The following EPB41L1 variants were observed in gnomAD, a reference collection of about 807,000 sequenced individuals.
EPB41L1 encodes the protein erythrocyte membrane protein band 4.1 like 1.
Under a neutral mutation model 97.8 loss-of-function variants are expected in EPB41L1, and 29 were observed. The ratio of observed to expected loss-of-function variants is 0.30; its 90% CI spans 0.22 to 0.40. The LOEUF (loss-of-function observed/expected upper bound fraction) is 0.40. Among genes scored for constraint, EPB41L1 ranks in the 10% least tolerant of loss-of-function variants. The probability of loss-of-function intolerance (pLI) is 1.00; values close to 1 mark genes in which losing one functional copy is unlikely to be tolerated. For synonymous variants in EPB41L1, 383 were observed against 459.2 expected (o/e 0.83, Z 2.12); for missense variants, 812 against 1,162.3 (o/e 0.70, Z 4.38).
intron 1 of EPB41L1, among the ~76,000 whole-genome samples, chr20:36,111,074 C>T (rs939130747): frequency 6.6e-6 from 1 of 152,152 alleles, no homozygotes; most frequent in Non-Finnish European, 1.5e-5. Flanking sequence ...AGGCACCTTG[C>T]TGAGCTGTTC....
At chr20:36,154,531 T>A (rs577451138), upstream of EPB41L1, among the ~76,000 whole-genome samples, 2 of 147,598 alleles carry the variant, frequency 1.4e-5, no homozygotes, top group South Asian at 4.3e-4. This position sits in a 1 kb window ranked among gnomAD's most constrained non-coding sequence, Gnocchi z 5.5. Context: ...AGGTGGGTGG[T>A]AGAGGAGACA....
chr20:36,173,733 C>T, intron 1 of EPB41L1, 31 bp from the exon 2 acceptor site: 1 of 1,607,130 alleles, frequency 6.2e-7, no homozygotes. Flanking sequence ...CTGTCCCTCC[C>T]TGTCACATGA....
chr20:36,130,975 ATT>A (rs778904971), intron 2 of EPB41L1, among the ~76,000 whole-genome samples: 14 of 124,296 alleles, frequency 1.1e-4, no homozygotes, highest in Admixed American at 8.0e-5. Flanking sequence ...CACCCGGCTA[ATT>A]TTTTTTTTTT....
intron 2 of EPB41L1, among the ~76,000 whole-genome samples, chr20:36,114,267 G>A (rs187040769): frequency 2.6e-5 from 4 of 152,180 alleles, no homozygotes; most frequent in African/African-American, 9.7e-5. Context: ...AGCAGAACTT[G>A]TCTGGTTCTG....
chr20:36,207,686 C>A lies in EPB41L1; in HGVS notation c.1669-1802C>A, dbSNP rs2146754092. The A allele has an allele frequency of 7.8e-7, 1 of 1,290,122 alleles. No individual in the cohort carries two copies. The highest frequency in any genetic ancestry group is 1.2e-5 in the South Asian group (1 of 81,032). 79.9% of individuals were successfully genotyped at this position (1,290,122 alleles called of 1,614,324 possible). A position where few individuals can be genotyped will look rare whatever the true frequency, so the allele number is the denominator to read the frequency against. On this transcript the variant is annotated intron_variant, in intron 14 of 21. Coordinates refer to ENST00000338074, the MANE Select transcript of EPB41L1 (RefSeq NM_012156.2). This position sits in a 1 kb window ranked among gnomAD's most constrained non-coding sequence, Gnocchi z 4.9. ...GCTACCAGACACTTCAGGGAGGACA[C>A]TTCTGCATCCTACCAGGAAGCACAC...
chr20:36,154,384 G>A (rs2060183894), upstream of EPB41L1, among the ~76,000 whole-genome samples: 1 of 151,598 alleles, frequency 6.6e-6, no homozygotes, highest in African/African-American at 2.4e-5. The surrounding 1 kb of genome is among the most constrained non-coding windows in gnomAD (Gnocchi z 5.5). Flanking sequence ...GGCTGGCTAG[G>A]ACCAGGGTGG....
At chr20:36,119,137 C>T (rs1378055097) in intron 2 of EPB41L1, among the ~76,000 whole-genome samples, 4 of 152,220 alleles carry the variant, frequency 2.6e-5, no homozygotes. Flanking sequence ...AAGAACCAAG[C>T]ACTGACATGA....
chr20:36,219,057 C>T, intron 18 of EPB41L1, 95 bp downstream of exon 18: 3 of 1,307,470 alleles, frequency 2.3e-6, no homozygotes, highest in Non-Finnish European at 3.3e-6. Flanking sequence ...GCGTTGAGCC[C>T]AGAAGGCACC....
chr20:36,205,119 C>A (rs543003100), intron 14 of EPB41L1, among the ~76,000 whole-genome samples: 1 of 152,284 alleles, frequency 6.6e-6, no homozygotes, highest in African/African-American at 2.4e-5. Flanking sequence ...CATTGTGGTG[C>A]CTGGCACTAA....
chr20:36,201,130 G>C (rs2062473718), intron 14 of EPB41L1, among the ~76,000 whole-genome samples: 2 of 152,228 alleles, frequency 1.3e-5, no homozygotes, highest in South Asian at 4.1e-4. Flanking sequence ...TCTCCATGCT[G>C]TGATAAGGAA....
chr20:36,222,782 A>G (rs944022017), intron 21 of EPB41L1, among the ~76,000 whole-genome samples: 1 of 152,162 alleles, frequency 6.6e-6, no homozygotes, highest in Non-Finnish European at 1.5e-5. Flanking sequence ...AAAAAGTCCT[A>G]CTAGGCCCAG....
At chr20:36,136,933 T>C (rs936531151) in intron 2 of EPB41L1, among the ~76,000 whole-genome samples, 4 of 152,144 alleles carry the variant, frequency 2.6e-5, no homozygotes, top group Non-Finnish European at 4.4e-5. Flanking sequence ...TTGCCTAGAC[T>C]GAAGTGCAGT....
chr20:36,168,263 A>C lies in EPB41L1; in HGVS notation c.-14-5501A>C, dbSNP rs556238519. On this transcript the variant is annotated intron_variant, in intron 1 of 21. Coordinates refer to ENST00000338074, the MANE Select transcript of EPB41L1 (RefSeq NM_012156.2). ...TGGCCTCACTGGGTCCCTTTCCCCC[A>C]GACAGAGTAAGTACAGGCGCTGTCA... Among the ~76,000 whole-genome samples, 5 of 152,362 alleles carry C rather than the reference A, an allele frequency of 3.3e-5. No individual in the cohort carries two copies. The South Asian group carries it at 1.0e-3, about 32-fold the overall frequency.
At chr20:36,101,633 C>G (rs1437586136) in intron 1 of EPB41L1, among the ~76,000 whole-genome samples, 1 of 152,108 alleles carries the variant, frequency 6.6e-6, no homozygotes, top group Non-Finnish European at 1.5e-5. Flanking sequence ...TCCCCTCCCT[C>G]CTAGGGTTCC....
Position 36,229,341 on chromosome 20 carries a change from C to T in EPB41L1, c.*1C>T, listed in dbSNP as rs780104228. ...TGCCTCTGGCTTCCAGGAATCCTGACCTCTGTGAAGAGATCCTGGCATTTC... is the reference window on the plus strand; with the variant it reads ...TGCCTCTGGCTTCCAGGAATCCTGATCTCTGTGAAGAGATCCTGGCATTTC... On this transcript the variant is annotated 3_prime_UTR_variant, in exon 22 of 22. Transcript: ENST00000338074. 5.0e-6 allele frequency: 8 copies of T among 1,607,888 alleles called. No individual in the cohort carries two copies. Among genetic ancestry groups the T allele is most frequent in the African/African-American group, 1.3e-5 (1 of 74,304 alleles).
intron 2 of EPB41L1, 108 bp downstream of exon 2, chr20:36,174,062 A>G (rs2061115640): frequency 7.5e-6 from 9 of 1,207,668 alleles, no homozygotes; most frequent in South Asian, 6.5e-5. Flanking sequence ...GGAAACTAAG[A>G]TTTATTAGTG....
At chr20:36,101,231 C>T (rs2058006358) in intron 1 of EPB41L1, among the ~76,000 whole-genome samples, 4 of 151,924 alleles carry the variant, frequency 2.6e-5, no homozygotes, top group Non-Finnish European at 4.4e-5. Flanking sequence ...TACATATCCA[C>T]CAGAAGAAAA....
At chr20:36,194,654 A>G (rs1226762576) in intron 12 of EPB41L1, among the ~76,000 whole-genome samples, 1 of 151,996 alleles carries the variant, frequency 6.6e-6, no homozygotes, top group Middle Eastern at 3.2e-3. Context: ...GCACACTCTT[A>G]ATTTGCCCCT....
chr20:36,207,187 C>T lies in EPB41L1; in HGVS notation c.1669-2301C>T. 7.8e-7 allele frequency: 1 copy of T among 1,287,954 alleles called. No homozygotes were observed. The highest frequency in any genetic ancestry group is 1.0e-6 in the Non-Finnish European group (1 of 987,590). 79.8% of individuals were successfully genotyped at this position (1,287,954 alleles called of 1,614,324 possible). On this transcript the variant is annotated intron_variant, in intron 14 of 21. Coordinates refer to ENST00000338074, the MANE Select transcript of EPB41L1 (RefSeq NM_012156.2). This position sits in a 1 kb window ranked among gnomAD's most constrained non-coding sequence, Gnocchi z 4.9. ...AGGGGAGCCTTCGGAGCTCAGGGAG[C>T]CCTTTCTTAGACATGTCCATCTTTC...
Sources: gnomAD v4.1 joint callset for allele counts (sites outside exome capture counted in the v4.1 genomes callset) on GRCh38, gnomAD v4.1.1 for gene constraint, Gnocchi (gnomAD v3.1) non-coding constraint, MANE v1.5 for transcripts, NCBI Gene and HGNC (gene_info 2026-07-23, HGNC 2026-07-21) for gene names.